The following BYSL variants were observed in gnomAD, a reference collection of about 807,000 sequenced individuals.
BYSL encodes the protein bystin like, also known as bystin.
BYSL carries 21 observed loss-of-function variants against 45.4 expected under a neutral mutation model. The ratio of observed to expected loss-of-function variants is 0.46; its 90% confidence interval spans 0.33 to 0.67. The LOEUF (loss-of-function observed/expected upper bound fraction) is 0.67. BYSL is among the 30% of genes least tolerant of loss of function. BYSL has a pLI of 0.02. For synonymous variants in BYSL, 215 were observed against 231.3 expected (o/e 0.93, Z 0.64); for missense variants, 522 against 578.5 (o/e 0.90, Z 1.00).
chr6:41,912,351 AC>A, the BYSL span, among the ~76,000 whole-genome samples: 1 of 98,458 alleles, frequency 1.0e-5, no homozygotes, highest in Non-Finnish European at 1.9e-5. Flanking sequence ...TGACCATAGT[AC>A]TTTTTTTTTT....
At chr6:41,916,641 C>A, upstream of BYSL, 2 of 975,394 alleles carry the variant, frequency 2.1e-6, no homozygotes, top group Non-Finnish European at 3.0e-6. Flanking sequence ...GATAAAGAAC[C>A]AAGAATTAAT....
intron 1 of BYSL, among the ~76,000 whole-genome samples, chr6:41,922,203 A>G (rs1183879130): frequency 6.6e-6 from 1 of 152,248 alleles, no homozygotes; most frequent in Non-Finnish European, 1.5e-5. Context: ...CTTACAGTCA[A>G]GCCCAGCAGA....
Position 41,932,088 on chromosome 6 carries a change from G to A in BYSL, c.968+258G>A, listed in dbSNP as rs1775649029. Among the ~76,000 whole-genome samples, 1 of 152,162 alleles carries A rather than the reference G, an allele frequency of 6.6e-6. No individual in the cohort carries two copies. Among genetic ancestry groups the A allele is most frequent in the African/African-American group, 2.4e-5 (1 of 41,440 alleles). On this transcript the variant is annotated intron_variant, in intron 6 of 6. Coordinates refer to ENST00000230340, the MANE Select transcript of BYSL (RefSeq NM_004053.4). The surrounding 1 kb of genome is among the most constrained non-coding windows in gnomAD (Gnocchi z 4.7). ...GAAACACAGGAAGAAAGTAGTTAGGGTGGAGACGTTGAGATGTTTGGACCA... is the reference window on the plus strand; with the variant it reads ...GAAACACAGGAAGAAAGTAGTTAGGATGGAGACGTTGAGATGTTTGGACCA...
chr6:41,921,451 G>T, upstream of BYSL: 3 of 1,406,010 alleles, frequency 2.1e-6, no homozygotes, highest in Non-Finnish European at 2.8e-6. Context: ...ATGCTAGGGG[G>T]CGCTGTGATC....
upstream of BYSL, chr6:41,916,899 G>A: frequency 6.2e-7 from 1 of 1,614,016 alleles, no homozygotes; most frequent in Non-Finnish European, 8.5e-7. Context: ...TCTACGGTTT[G>A]CTGAACACTC....
chr6:41,916,595 A>C (rs376504139), upstream of BYSL, among the ~76,000 whole-genome samples: 43 of 152,304 alleles, frequency 2.8e-4, no homozygotes, highest in South Asian at 8.9e-3. Context: ...AAATAAAATA[A>C]AATAAAATAA....
chr6:41,931,034 C>G (rs535084748), intron 4 of BYSL, among the ~76,000 whole-genome samples: 1 of 122,910 alleles, frequency 8.1e-6, no homozygotes, highest in South Asian at 2.5e-4. Flanking sequence ...TGATGAATTT[C>G]TAGGGGAGAG....
chr6:41,930,646 G>C lies in BYSL; in HGVS notation c.582G>C (p.Lys194Asn). The C allele has an allele frequency of 6.2e-7, 1 of 1,611,968 alleles. No homozygotes were observed. Among genetic ancestry groups the C allele is most frequent in the Non-Finnish European group, 8.5e-7 (1 of 1,179,248 alleles). ...VYRGVREVLS[K>N]YRSGKLPKAF... ...TCCCTCATCCCTAGGTATTATCTAA[G>C]TACCGCAGTGGAAAACTGCCCAAGG... is the stretch of plus-strand genomic sequence containing the variant. The change falls in exon 4 of 7, where the codon AAG becomes AAC. Residue 194 changes from lysine (K) to asparagine (N), a missense_variant. Coordinates refer to ENST00000230340, the MANE Select transcript of BYSL (RefSeq NM_004053.4).
Position 41,930,205 on chromosome 6 carries a change from G to C in BYSL, c.505G>C (p.Val169Leu), listed in dbSNP as rs780032351. The C allele has an allele frequency of 6.2e-7, 1 of 1,614,218 alleles. No individual in the cohort carries two copies. Among genetic ancestry groups the C allele is most frequent in the African/African-American group, 1.3e-5 (1 of 75,062 alleles). Residue 169 changes from valine (V) to leucine (L), a missense_variant, in exon 3 of 7, where the codon GTG (valine) becomes CTG (leucine). Val to Leu is a conservative substitution (Grantham distance 32). Coordinates refer to ENST00000230340, the MANE Select transcript of BYSL (RefSeq NM_004053.4). ...AGAGGTTGAGACAGTCATGTCAGAG[G>C]TGTCGGGCTTCCCTATGCCCCAGCT... Reference protein sequence around the residue: ...QTEVETVMSEVSGFPMPQLDP... With the variant: ...QTEVETVMSELSGFPMPQLDP...
At chr6:41,911,206 A>C in the BYSL span, among the ~76,000 whole-genome samples, 4 of 149,980 alleles carry the variant, frequency 2.7e-5, no homozygotes, top group African/African-American at 4.9e-5. Flanking sequence ...GCTGTAGTGC[A>C]ATGGTGCAAT....
rs773413877 is a variant in BYSL at position 41,931,534 on chromosome 6, C to G, written c.843C>G (p.Phe281Leu). 4 of 1,614,174 alleles carry G rather than the reference C, an allele frequency of 2.5e-6. No homozygotes were observed. In the Admixed American group the frequency reaches 6.7e-5, roughly 27 times the overall value. ...ACATGGCTCTCAAGAAGGCCCTTTT[C>G]AAACCTGGAGCCTGGTTCAAAGGTG... ...HLYMALKKALFKPGAWFKGIL... is the reference protein window; with the variant it reads ...HLYMALKKALLKPGAWFKGIL... Residue 281 changes from phenylalanine to leucine, a missense_variant, in exon 5 of 7, where the codon TTC (phenylalanine) becomes TTG (leucine). Phe to Leu is a conservative substitution (Grantham distance 22). Coordinates refer to ENST00000230340, the MANE Select transcript of BYSL (RefSeq NM_004053.4).
chr6:41,930,342 G>A (rs867583845), intron 3 of BYSL, 72 bp downstream of exon 3: 5 of 1,556,650 alleles, frequency 3.2e-6, no homozygotes, highest in Middle Eastern at 1.9e-4. Flanking sequence ...AGGCTTTTTT[G>A]CCTTTTGCCT....
the BYSL span, chr6:41,909,648 G>A: frequency 1.5e-6 from 2 of 1,355,304 alleles, no homozygotes; most frequent in South Asian, 1.4e-5. Context: ...GTTCTTGGTT[G>A]GGGGTGAGGG....
At chr6:41,917,579 AG>A (rs1582063842), upstream of BYSL, 2 of 346,020 alleles carry the variant, frequency 5.8e-6, no homozygotes, top group East Asian at 1.5e-4. Context: ...AGCCCCTCTA[AG>A]AACTGGAGCA....
At chr6:41,928,622 G>C (rs941595119) in intron 2 of BYSL, among the ~76,000 whole-genome samples, 1 of 152,126 alleles carries the variant, frequency 6.6e-6, no homozygotes, top group African/African-American at 2.4e-5. Context: ...CCTGGCAGTC[G>C]TAAGAAATGA....
At chr6:41,921,213 C>T, upstream of BYSL, 1 of 712,158 alleles carries the variant, frequency 1.4e-6, no homozygotes, top group Non-Finnish European at 2.3e-6. Context: ...GTGACGCCTC[C>T]ACTGACATCA....
rs184513792 is a variant in BYSL, at chr6:41,931,831, G to A, written c.968+1G>A. On this transcript the variant is annotated splice_donor_variant, in intron 6 of 6. Transcript: ENST00000230340. LOFTEE classifies it high-confidence loss of function. ...GCTCCATCCCTGTGTTGCACTCCAG[G>A]TAGTATTGCTGGGGGTGGAAGGGGG... 1.2e-6 allele frequency: 2 copies of A among 1,612,016 alleles called. No individual in the cohort carries two copies. The highest frequency in any genetic ancestry group is 1.3e-5 in the African/African-American group (1 of 74,984).
At chr6:41,920,829 G>A, upstream of BYSL, 1 of 647,542 alleles carries the variant, frequency 1.5e-6, no homozygotes. Context: ...AAGAGGAAGG[G>A]GCGCATCTCT....
intron 1 of BYSL, 64 bp from the exon 2 acceptor site, chr6:41,927,310 T>G: frequency 6.3e-7 from 1 of 1,585,584 alleles, no homozygotes; most frequent in Non-Finnish European, 8.6e-7. Context: ...TGGCTAAAGT[T>G]AAACTGACGA....
Sources: gnomAD v4.1 joint callset for allele counts (sites outside exome capture counted in the v4.1 genomes callset) on GRCh38, gnomAD v4.1.1 for gene constraint, Gnocchi (gnomAD v3.1) non-coding constraint, MANE v1.5 for transcripts, NCBI Gene and HGNC (gene_info 2026-07-23, HGNC 2026-07-21) for gene names.